WDR81: variants seen among roughly 807,000 people sequenced by gnomAD.
WDR81 encodes the protein WD repeat domain 81.
A neutral mutation model predicts 140.8 loss-of-function variants in WDR81; 92 were observed. That is an observed-to-expected ratio of 0.65 (90% CI 0.55 to 0.78). WDR81 has a LOEUF of 0.78. WDR81 is among the 30% of genes least tolerant of loss of function. WDR81 has a pLI of 0.00. For synonymous variants in WDR81, 1,183 were observed against 1,156.4 expected (o/e 1.02, Z -0.47); for missense variants, 2,502 against 2,636.4 (o/e 0.95, Z 1.12).
In WDR81 at chr17:1,735,920, C is replaced by T; in HGVS notation, c.5326-119C>T. The T allele has an allele frequency of 8.4e-6, 12 of 1,435,580 alleles. No individual in the cohort carries two copies. Among genetic ancestry groups the T allele is most frequent in the African/African-American group, 1.4e-5 (1 of 70,454 alleles). 88.9% of individuals were successfully genotyped at this position (1,435,580 alleles called of 1,614,324 possible). Reference sequence around the variant, plus strand: ...GGGTGGGGTTCTGGGCTTTTCATGCCCCCTGATGAGGGTCAGAGGCTCAGG... The same window carrying T: ...GGGTGGGGTTCTGGGCTTTTCATGCTCCCTGATGAGGGTCAGAGGCTCAGG... On this transcript the variant is annotated intron_variant, in intron 8 of 9. Transcript: ENST00000409644. The surrounding 1 kb of genome is among the most constrained non-coding windows in gnomAD (Gnocchi z 4.2).
chr17:1,728,571 A>G lies in WDR81; in HGVS notation c.3612A>G (p.Glu1204=). Residue 1204 remains glutamate (E), a synonymous_variant, in exon 1 of 10, where the codon GAA becomes GAG. Coordinates refer to ENST00000409644, the MANE Select transcript of WDR81 (RefSeq NM_001163809.2). ...GCGGCAGTGGGGGAGATGGAGAAGA[A>G]GAGGAGGAGGCACTGCCTGAGCAGT... The part of the protein sequence containing the change: ...VAGGSGGDGE[E]EEEALPEQSE... 6.6e-7 allele frequency: 1 copy of G among 1,513,436 alleles called. No individual in the cohort carries two copies. The highest frequency in any genetic ancestry group is 1.3e-5 in the South Asian group (1 of 78,876). 93.8% of individuals were successfully genotyped at this position (1,513,436 alleles called of 1,614,324 possible).
At chr17:1,721,329 A>G (rs1914852489), upstream of WDR81, among the ~76,000 whole-genome samples, 1 of 150,942 alleles carries the variant, frequency 6.6e-6, no homozygotes, top group East Asian at 2.0e-4. Flanking sequence ...ATTGCACTCC[A>G]GCCTGGGCAA....
At position 1,736,969 on chromosome 17, in the gene WDR81, G is replaced by A. The variant is rs1904922190; in HGVS notation, c.5506-396G>A. The stretch of plus-strand genomic sequence containing the variant: ...AAGTGTCAGGAGGGCTCTGGGGTCA[G>A]CCTGGGTGTTAATCCCAGCTCTGCT... On this transcript the variant is annotated intron_variant, in intron 9 of 9. Coordinates refer to ENST00000409644, the MANE Select transcript of WDR81 (RefSeq NM_001163809.2). Among the ~76,000 whole-genome samples the A allele has an allele frequency of 2.6e-5, 4 of 152,214 alleles. No individual in the cohort carries two copies. In the South Asian group the frequency reaches 8.3e-4, roughly 31 times the overall value.
Position 1,737,959 on chromosome 17 carries a change from C to A in WDR81, c.*274C>A, listed in dbSNP as rs1397006538. 1 of 555,516 alleles carries A rather than the reference C, an allele frequency of 1.8e-6. No individual in the cohort carries two copies. The highest frequency in any genetic ancestry group is 3.0e-5 in the East Asian group (1 of 32,896). 34.4% of individuals were successfully genotyped at this position (555,516 alleles called of 1,614,324 possible). On this transcript the variant is annotated 3_prime_UTR_variant, in exon 10 of 10. Coordinates refer to ENST00000409644, the MANE Select transcript of WDR81 (RefSeq NM_001163809.2). ...AAGTTAAGAGCAGGAGGAAGCGTTG[C>A]TACCTTCACTTCTCCCCAGCTCTGC...
At chr17:1,733,130 G>A (rs1567725597) in intron 6 of WDR81, among the ~76,000 whole-genome samples, 1 of 152,184 alleles carries the variant, frequency 6.6e-6, no homozygotes, top group Non-Finnish European at 1.5e-5. Flanking sequence ...GTGGCCTCCT[G>A]TTTACGAAGC....
intron 1 of WDR81, among the ~76,000 whole-genome samples, chr17:1,718,043 C>T (rs1471392110): frequency 6.6e-6 from 1 of 152,132 alleles, no homozygotes; most frequent in Non-Finnish European, 1.5e-5. Context: ...TCAAGTTGCC[C>T]TATTCCTCCA....
Position 1,735,920 on chromosome 17 carries a change from C to A in WDR81, c.5326-119C>A. 7.0e-7 allele frequency: 1 copy of A among 1,435,580 alleles called. No homozygotes were observed. The highest frequency in any genetic ancestry group is 9.3e-7 in the Non-Finnish European group (1 of 1,080,350). 88.9% of individuals were successfully genotyped at this position (1,435,580 alleles called of 1,614,324 possible). A position where few individuals can be genotyped will look rare whatever the true frequency, so the allele number is the denominator to read the frequency against. ...GGGTGGGGTTCTGGGCTTTTCATGCCCCCTGATGAGGGTCAGAGGCTCAGG... is the reference window on the plus strand; with the variant it reads ...GGGTGGGGTTCTGGGCTTTTCATGCACCCTGATGAGGGTCAGAGGCTCAGG... On this transcript the variant is annotated intron_variant, in intron 8 of 9. Transcript: ENST00000409644. This position sits in a 1 kb window ranked among gnomAD's most constrained non-coding sequence, Gnocchi z 4.2.
At chr17:1,717,577 C>A (rs759648839) in intron 1 of WDR81, among the ~76,000 whole-genome samples, 2 of 152,174 alleles carry the variant, frequency 1.3e-5, no homozygotes, top group Admixed American at 1.3e-4. Flanking sequence ...TCCTGCCTTG[C>A]GCCCCAGTAA....
rs1203128651 is a variant in WDR81 at position 1,726,866 on chromosome 17, C to A, written c.1907C>A (p.Pro636Gln). 2.6e-6 allele frequency: 4 copies of A among 1,550,220 alleles called. No homozygotes were observed. Among genetic ancestry groups the A allele is most frequent in the Non-Finnish European group, 3.5e-6 (4 of 1,146,966 alleles). Reference protein sequence around the residue: ...PGQLPNGVGRPVLEATPCEAS... With the variant: ...PGQLPNGVGRQVLEATPCEAS... Reference sequence around the variant, plus strand: ...CAGCTTCCAAATGGAGTGGGCCGGCCAGTTTTAGAGGCCACTCCCTGTGAG... The same window carrying A: ...CAGCTTCCAAATGGAGTGGGCCGGCAAGTTTTAGAGGCCACTCCCTGTGAG... The change falls in exon 1 of 10, where the codon CCA becomes CAA. Residue 636 changes from proline (P) to glutamine (Q), a missense_variant. Coordinates refer to ENST00000409644, the MANE Select transcript of WDR81 (RefSeq NM_001163809.2).
chr17:1,716,688 G>A, intron 1 of WDR81: 1 of 1,537,714 alleles, frequency 6.5e-7, no homozygotes, highest in Non-Finnish European at 8.8e-7. Context: ...AGTCCTTAAA[G>A]GGCGACAGCC....
At position 1,736,153 on chromosome 17, in the gene WDR81, G is replaced by A; in HGVS notation, c.5440G>A (p.Asp1814Asn). 1 of 1,601,716 alleles carries A rather than the reference G, an allele frequency of 6.2e-7. No homozygotes were observed. Among genetic ancestry groups the A allele is most frequent in the Non-Finnish European group, 8.5e-7 (1 of 1,179,824 alleles). ...GFSSGFMVLL[D>N]TRTGLVLRGW... Reference sequence around the variant, plus strand: ...CTCCTCAGGCTTCATGGTGCTCCTGGACACCCGCACAGGCCTGGTTCTGCG... The same window carrying A: ...CTCCTCAGGCTTCATGGTGCTCCTGAACACCCGCACAGGCCTGGTTCTGCG... The change falls in exon 9 of 10, where the codon GAC (aspartate) becomes AAC (asparagine). Residue 1814 changes from aspartate (D) to asparagine (N), a missense_variant. Physicochemically the swap from Asp to Asn is conservative, Grantham distance 23 (BLOSUM62 1). This residue lies in a region of WDR81 where 1,737 missense variants were observed against 1,843.0 expected (regional missense o/e 0.94). Coordinates refer to ENST00000409644, the MANE Select transcript of WDR81 (RefSeq NM_001163809.2).
rs760440910 is a variant in WDR81, at chr17:1,730,868, A to G, written c.3889A>G (p.Ser1297Gly). The G allele has an allele frequency of 1.2e-6, 2 of 1,612,858 alleles. No individual in the cohort carries two copies. The highest frequency in any genetic ancestry group is 2.7e-5 in the African/African-American group (2 of 74,948). ...CGACATCGTGTCAGGGCCTGTGCTCAGCTGCCTCCTCCACATCGCCCGCCT... is the reference window on the plus strand; with the variant it reads ...CGACATCGTGTCAGGGCCTGTGCTCGGCTGCCTCCTCCACATCGCCCGCCT... ...LGDIVSGPVL[S>G]CLLHIARLYG... Residue 1297 changes from serine to glycine, a missense_variant, in exon 3 of 10, where the codon AGC becomes GGC. Around this residue, in one of 3 missense-constraint regions of WDR81, gnomAD observed 1,737 missense variants for 1,843.0 expected, o/e 0.94. Coordinates refer to ENST00000409644, the MANE Select transcript of WDR81 (RefSeq NM_001163809.2).
rs1904416104 is a variant in WDR81, at chr17:1,732,309, T to C, written c.4158-16T>C. On this transcript the variant is annotated splice_polypyrimidine_tract_variant and intron_variant, in intron 4 of 9. Coordinates refer to ENST00000409644, the MANE Select transcript of WDR81 (RefSeq NM_001163809.2). ...CTGCAGAACGGCGGGCTGGAGCTCATGAGCTCTGTTTCCAGGTTCCCAAGT... is the reference window on the plus strand; with the variant it reads ...CTGCAGAACGGCGGGCTGGAGCTCACGAGCTCTGTTTCCAGGTTCCCAAGT... 1.2e-6 allele frequency: 2 copies of C among 1,611,116 alleles called. No homozygotes were observed. The highest frequency in any genetic ancestry group is 1.7e-4 in the Middle Eastern group (1 of 6,052).
intron 1 of WDR81, 26 bp from the exon 2 acceptor site, chr17:1,730,354 G>T: frequency 6.3e-7 from 1 of 1,592,088 alleles, no homozygotes. Context: ...TATCTGAGGA[G>T]CTCAGGGCCT....
At chr17:1,732,920 C>A in intron 6 of WDR81, 89 bp downstream of exon 6, 1 of 1,494,328 alleles carries the variant, frequency 6.7e-7, no homozygotes, top group East Asian at 2.3e-5. Context: ...CCAGAGTCAG[C>A]AGTGGGTTCT....
In WDR81 at chr17:1,726,289, G is replaced by T; in HGVS notation, c.1330G>T (p.Val444Leu). The T allele has an allele frequency of 6.5e-7, 1 of 1,541,988 alleles. No homozygotes were observed. Among genetic ancestry groups the T allele is most frequent in the Non-Finnish European group, 8.8e-7 (1 of 1,141,738 alleles). Residue 444 changes from valine to leucine, a missense_variant, in exon 1 of 10, where the codon GTG becomes TTG. Around this residue, in one of 3 missense-constraint regions of WDR81, gnomAD observed 218 missense variants for 279.6 expected, o/e 0.78. Transcript: ENST00000409644. ...PPHVPHHISD[V>L]LSDITYYVYK... ...TCATGTTCCCCACCACATCTCAGACGTGCTCTCCGACATCACGTACTATGT... is the reference window on the plus strand; with the variant it reads ...TCATGTTCCCCACCACATCTCAGACTTGCTCTCCGACATCACGTACTATGT...
Position 1,727,590 on chromosome 17 carries a change from C to T in WDR81, c.2631C>T (p.Phe877=). ...FSSVVPFPPY[F]PALHRFILLY... ...CCGTGGTTCCCTTCCCACCCTACTT[C>T]CCGGCACTGCACAGATTCATCCTCC... Residue 877 remains phenylalanine (F), a synonymous_variant, in exon 1 of 10, where the codon TTC becomes TTT. Transcript: ENST00000409644. 1 of 1,550,558 alleles carries T rather than the reference C, an allele frequency of 6.4e-7. No homozygotes were observed. Among genetic ancestry groups the T allele is most frequent in the Middle Eastern group, 1.7e-4 (1 of 5,990 alleles).
rs1193636849 is a variant in WDR81 at position 1,728,262 on chromosome 17, G to C, written c.3303G>C (p.Glu1101Asp). The C allele has an allele frequency of 6.2e-7, 1 of 1,612,284 alleles. No homozygotes were observed. Among genetic ancestry groups the C allele is most frequent in the Non-Finnish European group, 8.5e-7 (1 of 1,179,710 alleles). ...AGTCTCCCCAGCCCCAGGAGGCTGA[G>C]GCTGTGAGCCTGGGCCGGCTGAGTG... is the stretch of plus-strand genomic sequence containing the variant. Reference protein sequence around the residue: ...VTESPQPQEAEAVSLGRLSDK... With the variant: ...VTESPQPQEADAVSLGRLSDK... Residue 1101 changes from glutamate (E) to aspartate (D), a missense_variant, in exon 1 of 10, where the codon GAG becomes GAC. Glu to Asp is a conservative substitution (Grantham distance 45, BLOSUM62 2). Transcript: ENST00000409644.
In WDR81 at chr17:1,716,723, T is replaced by G. The variant is rs528277518; in HGVS notation, c.-124+90T>G. Reference sequence around the variant, plus strand: ...CCCTCCTTGTTGGAGTCGTGAGTGCTTCTTTTAGACATTCCCCAAACTGAC... The same window carrying G: ...CCCTCCTTGTTGGAGTCGTGAGTGCGTCTTTTAGACATTCCCCAAACTGAC... On this transcript the variant is annotated intron_variant, in intron 1 of 10. Coordinates refer to the WDR81 transcript ENST00000309182. 2.1e-6 allele frequency: 3 copies of G among 1,412,824 alleles called. No individual in the cohort carries two copies. The East Asian group carries it at 7.4e-5, about 35-fold the overall frequency. 87.5% of individuals were successfully genotyped at this position (1,412,824 alleles called of 1,614,324 possible).
Sources: gnomAD v4.1 joint callset for allele counts (sites outside exome capture counted in the v4.1 genomes callset) on GRCh38, gnomAD v4.1.1 for gene constraint, gnomAD v4.1.1 regional missense constraint, Gnocchi (gnomAD v3.1) non-coding constraint, MANE v1.5 for transcripts, NCBI Gene and HGNC (gene_info 2026-07-23, HGNC 2026-07-21) for gene names.